Variants in RORA observed in about 807,000 individuals in gnomAD.
RORA encodes nuclear receptor ROR-alpha.
RORA carries 7 observed loss-of-function variants against 69.5 expected under a neutral mutation model. The observed-to-expected ratio is 0.10, with a 90% CI of 0.06 to 0.19. RORA has a LOEUF of 0.19. RORA is among the 10% of genes least tolerant of loss of function. The pLI, the probability that RORA is intolerant of heterozygous loss-of-function variation, is 1.00. For missense variants in RORA, 457 were observed against 663.0 expected, an observed-to-expected ratio of 0.69 and a Z score of 3.41; for synonymous variants, 261 against 240.8, an observed-to-expected ratio of 1.08 and a Z score of -0.78.
At chr15:60,689,709 G>A (rs575594496) in intron 1 of RORA, among the ~76,000 whole-genome samples, 1 of 152,260 alleles carries the variant, frequency 6.6e-6, no homozygotes, top group African/African-American at 2.4e-5. Context: ...TGTGTAAGAG[G>A]AAGGAGAGGG....
chr15:60,943,364 A>G (rs2140325214), intron 1 of RORA, among the ~76,000 whole-genome samples: 1 of 151,376 alleles, frequency 6.6e-6, no homozygotes, highest in South Asian at 2.1e-4. Context: ...GATTCTATTC[A>G]ATCTTGTTCT....
At chr15:60,740,671 AT>A (rs1166839461) in intron 1 of RORA, among the ~76,000 whole-genome samples, 23 of 152,344 alleles carry the variant, frequency 1.5e-4, no homozygotes, top group African/African-American at 5.5e-4. Context: ...TAATAAAAAA[AT>A]CTCAGTGGCA....
At chr15:60,868,295 A>C (rs2073512202) in intron 1 of RORA, among the ~76,000 whole-genome samples, 1 of 152,232 alleles carries the variant, frequency 6.6e-6, no homozygotes, top group Non-Finnish European at 1.5e-5. Flanking sequence ...CACTTAGTTA[A>C]GCCTTGGTTT....
intron 2 of RORA, among the ~76,000 whole-genome samples, chr15:60,626,741 G>A (rs939807747): frequency 6.6e-6 from 1 of 152,124 alleles, no homozygotes; most frequent in Non-Finnish European, 1.5e-5. Context: ...TGTCCCTCTC[G>A]TGGGCAGAAC....
chr15:60,820,216 C>A (rs993116101), intron 1 of RORA, among the ~76,000 whole-genome samples: 16 of 152,232 alleles, frequency 1.1e-4, no homozygotes, highest in African/African-American at 3.9e-4. Context: ...TACAGGGTTT[C>A]TCTTTGTTCA....
At chr15:60,658,135 C>T (rs1440712943) in intron 2 of RORA, among the ~76,000 whole-genome samples, 1 of 151,520 alleles carries the variant, frequency 6.6e-6, no homozygotes, top group Non-Finnish European at 1.5e-5. Context: ...GGCTGGAGTG[C>T]AGTGGCGTGA....
intron 1 of RORA, among the ~76,000 whole-genome samples, chr15:60,887,907 G>A (rs1269033605): frequency 7.9e-5 from 12 of 152,314 alleles, no homozygotes; most frequent in Admixed American, 6.5e-4. Context: ...CTAGCACTCC[G>A]TGTAGTCCAA....
intron 1 of RORA, among the ~76,000 whole-genome samples, chr15:61,043,695 G>A (rs1234027365): frequency 6.6e-6 from 1 of 152,082 alleles, no homozygotes; most frequent in Non-Finnish European, 1.5e-5. Flanking sequence ...TAAAGATAAA[G>A]TACCTTCTAA....
rs1891514131 is a variant in RORA, at chr15:60,905,627, G to T, written c.167-226941C>A. On this transcript the variant is annotated intron_variant, in intron 1 of 10. Transcript: ENST00000335670. The surrounding 1 kb of genome is among the most constrained non-coding windows in gnomAD (Gnocchi z 4.8). ...ATTAATAAATAGCTCTAAAAGTGAA[G>T]GAAGTGATAAAGCCCTCAAGAGCGT... 6.6e-6 allele frequency among the ~76,000 whole-genome samples: 1 copy of T among 152,204 alleles called. No homozygotes were observed. Among genetic ancestry groups the T allele is most frequent in the African/African-American group, 2.4e-5 (1 of 41,450 alleles).
At chr15:60,501,130 A>G (rs2141264804) in intron 8 of RORA, 61 bp from the exon 9 acceptor site, 8 of 866,500 alleles carry the variant, frequency 9.2e-6, no homozygotes, top group Non-Finnish European at 9.3e-6. Flanking sequence ...AGAAAAACCT[A>G]GGTCTTAGGT....
intron 1 of RORA, among the ~76,000 whole-genome samples, chr15:60,976,795 T>G (rs1893883647): frequency 6.6e-6 from 1 of 152,170 alleles, no homozygotes; most frequent in African/African-American, 2.4e-5. Flanking sequence ...GGGGCTTCCC[T>G]TGCACCAGTT....
chr15:60,674,925 A>T (rs2070530994), intron 2 of RORA, among the ~76,000 whole-genome samples: 1 of 152,136 alleles, frequency 6.6e-6, no homozygotes, highest in Non-Finnish European at 1.5e-5. Context: ...AAGGATGAGA[A>T]CAGAAGGAAG....
In RORA at chr15:61,059,935, CAAGAAG is replaced by C. The variant is rs71122900; in HGVS notation, c.166+169112_166+169117del. On this transcript the variant is annotated intron_variant, in intron 1 of 10. Transcript: ENST00000335670. ...AGAAGAAGAAGAAGAAGAAGAAGAACAAGAAGAAGAAGAAGAAGAAGAAGAAGAGGA... is the reference window on the plus strand; with the variant it reads ...AGAAGAAGAAGAAGAAGAAGAAGAACAAGAAGAAGAAGAAGAAGAAGAGGA... Among the ~76,000 whole-genome samples the C allele has an allele frequency of 2.9e-3, 247 of 86,612 alleles. 2 individuals are homozygous for C. Among genetic ancestry groups the C allele is most frequent in the Middle Eastern group, 0.011 (2 of 176 alleles). 56.8% of individuals were successfully genotyped at this position (86,612 alleles called of 152,430 possible).
At chr15:60,707,565 G>C (rs896523476) in intron 1 of RORA, among the ~76,000 whole-genome samples, 10 of 151,812 alleles carry the variant, frequency 6.6e-5, no homozygotes, top group Non-Finnish European at 1.2e-4. Flanking sequence ...GGGTTTCACC[G>C]TGTTAGCCAG....
At chr15:61,085,278 G>A (rs1353878753) in intron 1 of RORA, among the ~76,000 whole-genome samples, 5 of 152,156 alleles carry the variant, frequency 3.3e-5, no homozygotes, top group Non-Finnish European at 2.9e-5. Context: ...ACCTGGCTGG[G>A]CACTGTGACT....
chr15:61,187,567 A>T (rs114535415), intron 1 of RORA, among the ~76,000 whole-genome samples: 10 of 152,228 alleles, frequency 6.6e-5, no homozygotes, highest in African/African-American at 2.4e-4. Flanking sequence ...GCCTCTGCAT[A>T]ACAGCCTCTT....
intron 1 of RORA, among the ~76,000 whole-genome samples, chr15:60,755,314 T>G (rs376404906): frequency 4.6e-5 from 7 of 152,170 alleles, no homozygotes; most frequent in African/African-American, 1.7e-4. Flanking sequence ...GGACATGAAC[T>G]CATCCTTTTT....
chr15:60,684,188 G>A lies in RORA; in HGVS notation c.167-5502C>T, dbSNP rs542482876. ...TCCAGAGGCCTTGTATCCTGGACAA[G>A]GCCCTAGACTTGATGCCACTCTGCC... On this transcript the variant is annotated intron_variant, in intron 1 of 10. Coordinates refer to ENST00000335670, the MANE Select transcript of RORA (RefSeq NM_134261.3). Among the ~76,000 whole-genome samples the A allele has an allele frequency of 5.5e-4, 83 of 152,036 alleles. 1 individual carries two copies. The highest frequency in any genetic ancestry group is 2.0e-3 in the African/African-American group (83 of 41,466).
intron 1 of RORA, among the ~76,000 whole-genome samples, chr15:60,701,830 G>A (rs2070986464): frequency 6.6e-6 from 1 of 152,138 alleles, no homozygotes; most frequent in Admixed American, 6.5e-5. Context: ...TGTTTTAAAA[G>A]GGCTGTGAGG....
Sources: allele counts gnomAD v4.1 joint callset (sites outside exome capture counted in the v4.1 genomes callset), GRCh38; gene constraint gnomAD v4.1.1; non-coding constraint Gnocchi (gnomAD v3.1); transcripts MANE v1.5; gene names NCBI Gene and HGNC (gene_info 2026-07-23, HGNC 2026-07-21).